The following MGAT4C variants were observed in gnomAD, a reference collection of about 807,000 sequenced individuals.
The protein encoded by MGAT4C is MGAT4 family member C, also known as alpha-1,3-mannosyl-glycoprotein 4-beta-N-acetylglucosaminyltransferase C.
Under a neutral mutation model 40.1 loss-of-function variants are expected in MGAT4C, and 19 were observed. That is an observed-to-expected ratio of 0.47 (90% CI 0.33 to 0.70). MGAT4C has a LOEUF of 0.70. Among genes scored for constraint, MGAT4C ranks in the 30% least tolerant of loss-of-function variants. MGAT4C has a pLI of 0.02. For missense variants in MGAT4C, 491 were observed against 563.2 expected, an observed-to-expected ratio of 0.87 and a Z score of 1.30; for synonymous variants, 181 against 187.1, an observed-to-expected ratio of 0.97 and a Z score of 0.27.
chr12:86,212,822 G>A, intron 1 of MGAT4C, among the ~76,000 whole-genome samples: 1 of 91,468 alleles, frequency 1.1e-5, no homozygotes, highest in Non-Finnish European at 2.5e-5. Context: ...AACCCGGGAG[G>A]CGGAGCTTGC....
Position 86,529,664 on chromosome 12 carries a change from G to T in MGAT4C, c.-228-94399C>A, listed in dbSNP as rs538980696. 1.3e-3 allele frequency among the ~76,000 whole-genome samples: 203 copies of T among 151,940 alleles called. 2 individuals carry two copies. Among genetic ancestry groups the T allele is most frequent in the African/African-American group, 4.6e-3 (192 of 41,504 alleles). The stretch of plus-strand genomic sequence containing the variant: ...CCTTCTAGGTCTAGTAATTTGTTTT[G>T]GTTTTTGATTTCCTTTTTTTTATGT... On this transcript the variant is annotated intron_variant, in intron 2 of 7. Transcript: ENST00000548651.
intron 3 of MGAT4C, among the ~76,000 whole-genome samples, chr12:86,410,066 G>A (rs1218807070): frequency 1.3e-5 from 2 of 152,076 alleles, no homozygotes; most frequent in Admixed American, 6.6e-5. Flanking sequence ...GGGCAATAAA[G>A]ATCACAAGGC....
At chr12:85,987,935 ATAAT>A (rs1277051736) in intron 3 of MGAT4C, among the ~76,000 whole-genome samples, 3 of 152,250 alleles carry the variant, frequency 2.0e-5, no homozygotes, top group Admixed American at 6.5e-5. Flanking sequence ...ATAAAATTGA[ATAAT>A]TAATCAAGAG....
At chr12:86,453,425 G>T (rs1358317325) in intron 2 of MGAT4C, among the ~76,000 whole-genome samples, 1 of 152,028 alleles carries the variant, frequency 6.6e-6, no homozygotes, top group Non-Finnish European at 1.5e-5. Context: ...TAAATATTCT[G>T]GACTAATAAG....
chr12:86,504,197 A>G (rs1958429456), intron 2 of MGAT4C, among the ~76,000 whole-genome samples: 1 of 152,110 alleles, frequency 6.6e-6, no homozygotes, highest in Non-Finnish European at 1.5e-5. Flanking sequence ...AACAATTTTC[A>G]GTTTCATATA....
At chr12:86,169,962 A>G (rs1443699855) in intron 1 of MGAT4C, among the ~76,000 whole-genome samples, 1 of 152,228 alleles carries the variant, frequency 6.6e-6, no homozygotes, top group Non-Finnish European at 1.5e-5. Flanking sequence ...AAATGTAGAC[A>G]GCAAAACAAA....
Position 86,022,069 on chromosome 12 carries a change from G to A in MGAT4C, c.-7+27605C>T, listed in dbSNP as rs146648153. On this transcript the variant is annotated intron_variant, in intron 2 of 4. Transcript: ENST00000611864. ...AAATTCTAAAAATAATAAGAATTTT[G>A]TTATTGATAAATCATTACCATTCAT... 7.3e-3 allele frequency among the ~76,000 whole-genome samples: 1,115 copies of A among 152,194 alleles called. 9 individuals are homozygous for A. The highest frequency in any genetic ancestry group is 0.011 in the Non-Finnish European group (754 of 67,988).
At chr12:86,700,939 G>T (rs13377888) in intron 2 of MGAT4C, among the ~76,000 whole-genome samples, 1 of 151,902 alleles carries the variant, frequency 6.6e-6, no homozygotes, top group Non-Finnish European at 1.5e-5. Flanking sequence ...ATGAGAAAGT[G>T]AATTTTATCA....
chr12:86,171,347 C>T (rs1448582868), intron 1 of MGAT4C, among the ~76,000 whole-genome samples: 1 of 151,986 alleles, frequency 6.6e-6, no homozygotes, highest in East Asian at 1.9e-4. Context: ...CCAGCCTGGG[C>T]AACAAGAGTG....
At chr12:86,116,471 C>A (rs1878441778) in intron 1 of MGAT4C, among the ~76,000 whole-genome samples, 1 of 151,540 alleles carries the variant, frequency 6.6e-6, no homozygotes, top group African/African-American at 2.4e-5. Flanking sequence ...GATTAGATGT[C>A]AAATAGAAAG....
intron 2 of MGAT4C, among the ~76,000 whole-genome samples, chr12:86,629,982 T>C (rs901423495): frequency 2.6e-5 from 4 of 151,180 alleles, no homozygotes; most frequent in African/African-American, 7.3e-5. Flanking sequence ...TTTGAAAAGA[T>C]CAACAAAATT....
At chr12:86,400,371 C>G (rs1418834777) in intron 3 of MGAT4C, among the ~76,000 whole-genome samples, 1 of 152,132 alleles carries the variant, frequency 6.6e-6, no homozygotes, top group Non-Finnish European at 1.5e-5. Flanking sequence ...TACCCAACTT[C>G]CCTTATTCAC....
intron 2 of MGAT4C, among the ~76,000 whole-genome samples, chr12:86,671,347 A>G (rs559925635): frequency 2.6e-5 from 4 of 152,316 alleles, no homozygotes; most frequent in Admixed American, 2.6e-4. Context: ...TAAATGGGAA[A>G]AGGGTTAAAG....
intron 3 of MGAT4C, among the ~76,000 whole-genome samples, chr12:86,338,815 C>T (rs1347944986): frequency 6.6e-6 from 1 of 151,762 alleles, no homozygotes; most frequent in African/African-American, 2.4e-5. Flanking sequence ...AAAAATTAGC[C>T]AGGCATGGTG....
At position 86,360,592 on chromosome 12, in the gene MGAT4C, G is replaced by A. The variant is rs150168879; in HGVS notation, c.-119-26465C>T. On this transcript the variant is annotated intron_variant, in intron 3 of 7. Transcript: ENST00000548651. ...GATTGTATATTTAGAAAACCCCATC[G>A]TCTCAGACCCAAATCTCCTTAAGCT... Among the ~76,000 whole-genome samples, 1,008 of 152,204 alleles carry A rather than the reference G, an allele frequency of 6.6e-3. 11 individuals are homozygous for A. The highest frequency in any genetic ancestry group is 0.023 in the African/African-American group (961 of 41,528).
intron 1 of MGAT4C, among the ~76,000 whole-genome samples, chr12:86,204,243 G>T (rs189789340): frequency 6.6e-6 from 1 of 151,844 alleles, no homozygotes; most frequent in African/African-American, 2.4e-5. Flanking sequence ...TGATGAAATT[G>T]TTGAGATATA....
At chr12:86,091,689 A>C (rs1872914770) in intron 1 of MGAT4C, among the ~76,000 whole-genome samples, 1 of 152,102 alleles carries the variant, frequency 6.6e-6, no homozygotes, top group African/African-American at 2.4e-5. Flanking sequence ...AAAGTGACTT[A>C]AATATAGAAT....
chr12:86,793,050 C>T (rs909594754), intron 1 of MGAT4C, among the ~76,000 whole-genome samples: 3 of 152,208 alleles, frequency 2.0e-5, no homozygotes, highest in South Asian at 2.1e-4. Flanking sequence ...AGTTTCTTCA[C>T]GCCTTACAAT....
chr12:86,164,652 A>G (rs974731018), intron 1 of MGAT4C, among the ~76,000 whole-genome samples: 1 of 152,170 alleles, frequency 6.6e-6, no homozygotes, highest in African/African-American at 2.4e-5. Flanking sequence ...TTCTGAATAA[A>G]AAGATTAGGG....
Sources: gnomAD v4.1 joint callset for allele counts (sites outside exome capture counted in the v4.1 genomes callset) on GRCh38, gnomAD v4.1.1 for gene constraint, MANE v1.5 for transcripts, NCBI Gene and HGNC (gene_info 2026-07-23, HGNC 2026-07-21) for gene names.